The following CTNNA2 variants were observed in gnomAD, a reference collection of about 807,000 sequenced individuals.
The protein encoded by CTNNA2 is catenin alpha 2, also known as catenin alpha-2.
CTNNA2 carries 42 observed loss-of-function variants against 101.0 expected under a neutral mutation model. The observed-to-expected ratio is 0.42, with a 90% CI of 0.32 to 0.54. The LOEUF (loss-of-function observed/expected upper bound fraction) is 0.54, where lower values mean the gene tolerates loss of function less well. Ranked by LOEUF, CTNNA2 falls within the 20% of genes least tolerant of loss-of-function variation. CTNNA2 has a pLI of 0.14. For synonymous variants in CTNNA2, 450 were observed against 456.4 expected, an observed-to-expected ratio of 0.99 and a Z score of 0.18; for missense variants, 871 against 1,223.1, an observed-to-expected ratio of 0.71 and a Z score of 4.29.
chr2:79,837,011 T>C (rs771404541), intron 3 of CTNNA2, among the ~76,000 whole-genome samples: 15 of 152,186 alleles, frequency 9.9e-5, no homozygotes, highest in Non-Finnish European at 1.9e-4. Flanking sequence ...TAAGGACGAA[T>C]TCGTAAGTAT....
At chr2:79,587,233 A>G (rs764404108) in intron 1 of CTNNA2, among the ~76,000 whole-genome samples, 3 of 152,088 alleles carry the variant, frequency 2.0e-5, no homozygotes, top group Non-Finnish European at 4.4e-5. Context: ...TAGTCCTTTA[A>G]GGAATCTTCA....
chr2:79,655,422 A>C lies in CTNNA2; in HGVS notation c.102+3764A>C, dbSNP rs117872343. 3.3e-3 allele frequency among the ~76,000 whole-genome samples: 510 copies of C among 152,320 alleles called. 12 individuals carry two copies. The East Asian group carries it at 0.045, about 13-fold the overall frequency. On this transcript the variant is annotated intron_variant, in intron 2 of 18. Transcript: ENST00000402739. ...TGAGAAGGATGTAAGTGAATTAGGCATGGGCTAGCACAATATTACACTTAT... is the reference window on the plus strand; with the variant it reads ...TGAGAAGGATGTAAGTGAATTAGGCCTGGGCTAGCACAATATTACACTTAT...
chr2:79,943,106 A>G (rs1308116108), intron 7 of CTNNA2, among the ~76,000 whole-genome samples: 2 of 152,088 alleles, frequency 1.3e-5, no homozygotes, highest in African/African-American at 4.8e-5. Context: ...AATCCCAGCT[A>G]CTCGGTAGGC....
chr2:79,554,197 C>T (rs1339798441), intron 1 of CTNNA2, among the ~76,000 whole-genome samples: 1 of 151,898 alleles, frequency 6.6e-6, no homozygotes, highest in Non-Finnish European at 1.5e-5. Flanking sequence ...TACCTGATGG[C>T]ACATGAAACC....
At chr2:80,253,098 T>A (rs1332174089) in intron 7 of CTNNA2, among the ~76,000 whole-genome samples, 1 of 152,056 alleles carries the variant, frequency 6.6e-6, no homozygotes, top group East Asian at 1.9e-4. Context: ...ACCATTATCT[T>A]TATTGCCTAT....
intron 6 of CTNNA2, among the ~76,000 whole-genome samples, chr2:79,876,762 A>G (rs927505317): frequency 1.3e-5 from 2 of 152,198 alleles, no homozygotes; most frequent in Non-Finnish European, 2.9e-5. Flanking sequence ...TAAAAATCAA[A>G]CTTGAGGTCA....
chr2:79,609,212 T>C (rs922637615), intron 1 of CTNNA2, among the ~76,000 whole-genome samples: 4 of 151,950 alleles, frequency 2.6e-5, no homozygotes, highest in African/African-American at 7.2e-5. Context: ...ATAAACTCTG[T>C]TTATAGATAT....
chr2:79,882,109 T>C (rs62141604), intron 6 of CTNNA2, among the ~76,000 whole-genome samples: 70,114 of 151,816 alleles, frequency 0.46, 17,362 homozygotes, highest in Middle Eastern at 0.57. Context: ...AAAATTCTTT[T>C]CTTTAAGAAT....
At chr2:80,098,435 G>C (rs757726307) in intron 7 of CTNNA2, among the ~76,000 whole-genome samples, 45 of 152,332 alleles carry the variant, frequency 3.0e-4, no homozygotes, top group South Asian at 1.2e-3. Flanking sequence ...TTGCCTCCCA[G>C]TTAGGCTACT....
chr2:79,566,902 A>G (rs1348004146), intron 1 of CTNNA2, among the ~76,000 whole-genome samples: 1 of 152,216 alleles, frequency 6.6e-6, no homozygotes, highest in Admixed American at 6.5e-5. Flanking sequence ...AGTATATGTT[A>G]AAACAGATAT....
At chr2:79,552,305 T>A (rs1674156892) in intron 1 of CTNNA2, among the ~76,000 whole-genome samples, 1 of 152,180 alleles carries the variant, frequency 6.6e-6, no homozygotes, top group Admixed American at 6.5e-5. Flanking sequence ...TTTGACTCCG[T>A]GTCTCACATC....
rs552346162 is a variant in CTNNA2 at position 80,472,238 on chromosome 2, A to T, written c.1290+52637A>T. Among the ~76,000 whole-genome samples the T allele has an allele frequency of 2.1e-4, 32 of 152,288 alleles. 1 individual carries two copies. The South Asian group carries it at 6.4e-3, about 31-fold the overall frequency. ...AGAGTTACTATGAGAGCCTAGGGATAGGATGATTATGGTGATCCTGGCAGC... is the reference window on the plus strand; with the variant it reads ...AGAGTTACTATGAGAGCCTAGGGATTGGATGATTATGGTGATCCTGGCAGC... On this transcript the variant is annotated intron_variant, in intron 9 of 18. Coordinates refer to ENST00000402739, the MANE Select transcript of CTNNA2 (RefSeq NM_001282597.3).
intron 7 of CTNNA2, among the ~76,000 whole-genome samples, chr2:80,289,709 G>T (rs1675072374): frequency 6.6e-6 from 1 of 152,112 alleles, no homozygotes; most frequent in Non-Finnish European, 1.5e-5. Context: ...TACAGGTGTG[G>T]ACACCCAGGT....
chr2:79,752,278 G>A (rs966490311), intron 3 of CTNNA2, among the ~76,000 whole-genome samples: 4 of 152,118 alleles, frequency 2.6e-5, no homozygotes, highest in East Asian at 1.9e-4. Flanking sequence ...AATATCCAGC[G>A]AACAAAGAAT....
intron 7 of CTNNA2, among the ~76,000 whole-genome samples, chr2:80,159,958 C>T (rs1185779753): frequency 6.9e-6 from 1 of 145,294 alleles, no homozygotes; most frequent in Non-Finnish European, 1.5e-5. Flanking sequence ...TTACATTTTT[C>T]CATTTTGCAT....
At chr2:80,375,804 T>C (rs113258272) in intron 7 of CTNNA2, among the ~76,000 whole-genome samples, 32,133 of 151,510 alleles carry the variant, frequency 0.21, 3,510 homozygotes, top group East Asian at 0.4. Flanking sequence ...ACCTCATGAT[T>C]CACCCGCCTC....
chr2:80,527,347 G>C (rs955424527), intron 9 of CTNNA2, among the ~76,000 whole-genome samples: 1 of 152,190 alleles, frequency 6.6e-6, no homozygotes, highest in East Asian at 1.9e-4. Context: ...TCTCAGACTT[G>C]AGCATGCTTT....
At chr2:80,084,812 G>A (rs528170436) in intron 7 of CTNNA2, among the ~76,000 whole-genome samples, 60 of 152,130 alleles carry the variant, frequency 3.9e-4, no homozygotes, top group Admixed American at 8.5e-4. Flanking sequence ...TTTTGCCTCC[G>A]CCTGTGATGT....
chr2:80,568,954 T>A (rs1241620919), intron 12 of CTNNA2, among the ~76,000 whole-genome samples: 2 of 152,194 alleles, frequency 1.3e-5, no homozygotes, highest in African/African-American at 4.8e-5. Context: ...TATAGTTCTC[T>A]GTAGTATAGG....
Sources: gnomAD v4.1 joint callset for allele counts (sites outside exome capture counted in the v4.1 genomes callset) on GRCh38, gnomAD v4.1.1 for gene constraint, MANE v1.5 for transcripts, NCBI Gene and HGNC (gene_info 2026-07-23, HGNC 2026-07-21) for gene names.